Variants in HCN1 observed in about 807,000 individuals in gnomAD.
The protein encoded by HCN1 is potassium/sodium hyperpolarization-activated cyclic nucleotide-gated channel 1.
HCN1 carries 13 observed loss-of-function variants against 78.9 expected under a neutral mutation model. The observed-to-expected ratio is 0.16, with a 90% CI of 0.11 to 0.26. HCN1 has a LOEUF of 0.26. Ranked by LOEUF, HCN1 falls within the 10% of genes least tolerant of loss-of-function variation. The pLI is 1.00. For synonymous variants in HCN1, 552 were observed against 455.5 expected (o/e 1.21, Z -2.70); for missense variants, 810 against 1,154.3 (o/e 0.70, Z 4.32).
intron 2 of HCN1, among the ~76,000 whole-genome samples, chr5:45,613,993 T>C (rs935261195): frequency 1.3e-5 from 2 of 152,020 alleles, no homozygotes; most frequent in Non-Finnish European, 1.5e-5. Context: ...TTTTAAAACA[T>C]AGCTATTTAG....
At chr5:45,611,815 C>G (rs1159579534) in intron 2 of HCN1, among the ~76,000 whole-genome samples, 3 of 151,814 alleles carry the variant, frequency 2.0e-5, no homozygotes, top group Non-Finnish European at 4.4e-5. Context: ...CTTGGACAGT[C>G]AATTTTAAGA....
intron 4 of HCN1, among the ~76,000 whole-genome samples, chr5:45,361,817 A>G (rs1747116194): frequency 1.3e-5 from 2 of 152,162 alleles, no homozygotes; most frequent in South Asian, 2.1e-4. Flanking sequence ...GGCCAAGTTG[A>G]GCATTGTTTT....
rs541788944 is a variant in HCN1, at chr5:45,445,367, C to T, written c.1011+16479G>A. Reference sequence around the variant, plus strand: ...TGCCATTGCCCAGGCTTGCTTAGGTCAACAAAGCAGCCCCCAGGCTTGAAC... The same window carrying T: ...TGCCATTGCCCAGGCTTGCTTAGGTTAACAAAGCAGCCCCCAGGCTTGAAC... On this transcript the variant is annotated intron_variant, in intron 3 of 7. Coordinates refer to ENST00000303230, the MANE Select transcript of HCN1 (RefSeq NM_021072.4). Among the ~76,000 whole-genome samples the T allele has an allele frequency of 7.0e-3, 1,067 of 152,302 alleles. 5 individuals are homozygous for T. Among genetic ancestry groups the T allele is most frequent in the Middle Eastern group, 0.065 (19 of 294 alleles).
chr5:45,518,720 A>G (rs953710224), intron 2 of HCN1, among the ~76,000 whole-genome samples: 1 of 152,158 alleles, frequency 6.6e-6, no homozygotes, highest in East Asian at 1.9e-4. Context: ...ATCAGAAAAC[A>G]ACAGAAAGAA....
At chr5:45,651,750 G>T (rs543791804) in intron 1 of HCN1, among the ~76,000 whole-genome samples, 2 of 151,732 alleles carry the variant, frequency 1.3e-5, no homozygotes, top group African/African-American at 2.4e-5. Flanking sequence ...TAGAAACTTC[G>T]CAAAAAAGTT....
chr5:45,353,864 T>TG, intron 4 of HCN1, among the ~76,000 whole-genome samples: 1 of 152,066 alleles, frequency 6.6e-6, no homozygotes, highest in South Asian at 2.1e-4. Context: ...ACTGTATAGC[T>TG]GAAAGTTAAC....
At chr5:45,435,318 A>C (rs1740541382) in intron 3 of HCN1, among the ~76,000 whole-genome samples, 1 of 152,162 alleles carries the variant, frequency 6.6e-6, no homozygotes, top group Admixed American at 6.5e-5. Flanking sequence ...GAACAGAATT[A>C]GTAAATAAAA....
chr5:45,445,378 C>G (rs1740769091), intron 3 of HCN1, among the ~76,000 whole-genome samples: 1 of 152,196 alleles, frequency 6.6e-6, no homozygotes, highest in Non-Finnish European at 1.5e-5. Context: ...AACAAAGCAG[C>G]CCCCAGGCTT....
intron 5 of HCN1, among the ~76,000 whole-genome samples, chr5:45,315,206 C>T (rs1208064112): frequency 2.0e-5 from 3 of 152,152 alleles, no homozygotes; most frequent in Admixed American, 2.0e-4. Flanking sequence ...GAAATTATAA[C>T]AAACTGTCTC....
intron 2 of HCN1, among the ~76,000 whole-genome samples, chr5:45,493,855 G>C (rs1360914826): frequency 1.3e-5 from 2 of 150,450 alleles, no homozygotes; most frequent in African/African-American, 4.9e-5. Flanking sequence ...GCGGTGTTTG[G>C]TTTTTTGTTC....
At chr5:45,583,207 G>C (rs887829357) in intron 2 of HCN1, among the ~76,000 whole-genome samples, 2 of 152,128 alleles carry the variant, frequency 1.3e-5, no homozygotes, top group Admixed American at 1.3e-4. Context: ...TTCAGAGCCT[G>C]TTTTTGGTCT....
chr5:45,265,336 T>C (rs1413204902), intron 7 of HCN1, among the ~76,000 whole-genome samples: 1 of 152,206 alleles, frequency 6.6e-6, no homozygotes, highest in East Asian at 1.9e-4. Flanking sequence ...GCTTAGAAAT[T>C]AGTCTCTGTC....
chr5:45,664,375 T>C (rs1745989153), intron 1 of HCN1, among the ~76,000 whole-genome samples: 1 of 142,182 alleles, frequency 7.0e-6, no homozygotes. Flanking sequence ...CGTTAGTGGG[T>C]GCAGCGCACC....
At chr5:45,688,995 A>G (rs2112099903) in intron 1 of HCN1, among the ~76,000 whole-genome samples, 1 of 152,186 alleles carries the variant, frequency 6.6e-6, no homozygotes, top group Non-Finnish European at 1.5e-5. Context: ...AGGGCGGGAG[A>G]GGAGAGAAAG....
chr5:45,522,748 C>T (rs1203411768), intron 2 of HCN1, among the ~76,000 whole-genome samples: 3 of 151,830 alleles, frequency 2.0e-5, no homozygotes, highest in Non-Finnish European at 4.4e-5. Flanking sequence ...ACCACAGCTT[C>T]TCTATCACAT....
intron 1 of HCN1, among the ~76,000 whole-genome samples, chr5:45,673,563 T>C (rs1190463795): frequency 6.6e-6 from 1 of 151,588 alleles, no homozygotes; most frequent in Non-Finnish European, 1.5e-5. Flanking sequence ...ATTTGTTCCA[T>C]CTTTGGCCAC....
intron 2 of HCN1, chr5:45,480,091 T>A (rs1741615332): frequency 6.6e-6 from 1 of 152,648 alleles, no homozygotes; most frequent in African/African-American, 2.4e-5. Flanking sequence ...ACTCCTTGCT[T>A]ATGACAGAGT....
At chr5:45,511,978 C>T (rs890842086) in intron 2 of HCN1, among the ~76,000 whole-genome samples, 4 of 151,962 alleles carry the variant, frequency 2.6e-5, no homozygotes, top group African/African-American at 4.8e-5. Flanking sequence ...TTATAATGCT[C>T]AATGTAATAA....
At chr5:45,648,001 T>C (rs1005051873) in intron 1 of HCN1, among the ~76,000 whole-genome samples, 3 of 152,174 alleles carry the variant, frequency 2.0e-5, no homozygotes, top group African/African-American at 7.2e-5. Flanking sequence ...GATTTTATTT[T>C]ACATTTTCTA....
Sources: allele counts gnomAD v4.1 joint callset (sites outside exome capture counted in the v4.1 genomes callset), GRCh38; gene constraint gnomAD v4.1.1; transcripts MANE v1.5; gene names NCBI Gene and HGNC (gene_info 2026-07-23, HGNC 2026-07-21).